Variants in PTPRM observed in about 807,000 individuals in gnomAD.
PTPRM encodes protein tyrosine phosphatase receptor type M, also known as receptor-type tyrosine-protein phosphatase mu.
Under a neutral mutation model 186.7 loss-of-function variants are expected in PTPRM, and 47 were observed. The ratio of observed to expected loss-of-function variants is 0.25; its 90% CI spans 0.20 to 0.32. PTPRM has a LOEUF of 0.32. Among genes scored for constraint, PTPRM ranks in the 10% least tolerant of loss-of-function variants. PTPRM has a pLI of 1.00. For missense variants in PTPRM, 1,494 were observed against 1,865.0 expected (o/e 0.80, Z 3.66); for synonymous variants, 668 against 674.9 (o/e 0.99, Z 0.16).
intron 6 of PTPRM, among the ~76,000 whole-genome samples, chr18:7,953,502 C>T (rs1044361658): frequency 3.9e-5 from 6 of 152,142 alleles, no homozygotes; most frequent in African/African-American, 1.4e-4. Flanking sequence ...AGTTTATAAA[C>T]AACAGGAACA....
chr18:8,243,458 C>T (rs572028792), intron 14 of PTPRM, among the ~76,000 whole-genome samples: 2 of 152,262 alleles, frequency 1.3e-5, no homozygotes, highest in South Asian at 4.1e-4. Context: ...AATTCAGTAC[C>T]TTCCCCTTGA....
In PTPRM at chr18:8,310,317, G is replaced by A. The variant is rs186260898; in HGVS notation, c.2843-4464G>A. On this transcript the variant is annotated intron_variant, in intron 20 of 32. Transcript: ENST00000580170. ...CTTCCAGTTCGTCCTCAACAATAGCGGGCATCTGATGAAATGAAGCACGCC... is the reference window on the plus strand; with the variant it reads ...CTTCCAGTTCGTCCTCAACAATAGCAGGCATCTGATGAAATGAAGCACGCC... 1.4e-3 allele frequency among the ~76,000 whole-genome samples: 206 copies of A among 151,500 alleles called. No homozygotes were observed. The Middle Eastern group carries it at 0.02, about 15-fold the overall frequency.
chr18:8,275,020 G>A (rs576672626), intron 19 of PTPRM, among the ~76,000 whole-genome samples: 23 of 152,176 alleles, frequency 1.5e-4, no homozygotes, highest in African/African-American at 5.1e-4. Context: ...GGTAGATGCC[G>A]TAAGAAAATG....
Position 7,993,643 on chromosome 18 carries a change from G to A in PTPRM, c.1132+38229G>A, listed in dbSNP as rs867883798. On this transcript the variant is annotated intron_variant, in intron 7 of 32. Transcript: ENST00000580170. ...ATTCACCAAATGTGTCCTTCAGAAC[G>A]TAAGGAGATATAAAGTGTTTCCTAG... 3.9e-5 allele frequency among the ~76,000 whole-genome samples: 6 copies of A among 152,194 alleles called. No individual in the cohort carries two copies. In the East Asian group the frequency reaches 5.8e-4, roughly 15 times the overall value.
At chr18:8,298,734 G>C (rs12326322) in intron 20 of PTPRM, among the ~76,000 whole-genome samples, 3 of 152,102 alleles carry the variant, frequency 2.0e-5, no homozygotes, top group Admixed American at 6.5e-5. Context: ...AGAGTTTCAC[G>C]GTTAATAAGG....
intron 7 of PTPRM, among the ~76,000 whole-genome samples, chr18:8,054,020 G>C (rs2087706565): frequency 6.6e-6 from 1 of 151,950 alleles, no homozygotes; most frequent in African/African-American, 2.4e-5. Flanking sequence ...TGTATAACTT[G>C]TAGGTCCTGC....
At chr18:7,725,248 C>T (rs974063307) in intron 1 of PTPRM, among the ~76,000 whole-genome samples, 1 of 152,122 alleles carries the variant, frequency 6.6e-6, no homozygotes, top group Non-Finnish European at 1.5e-5. Flanking sequence ...TGTAAGGCAA[C>T]TTTTTTGAGA....
chr18:8,289,229 C>T (rs1260203603), intron 19 of PTPRM, among the ~76,000 whole-genome samples: 1 of 151,796 alleles, frequency 6.6e-6, no homozygotes, highest in Non-Finnish European at 1.5e-5. Flanking sequence ...TAGAGCTTCA[C>T]AAACCTCATA....
intron 14 of PTPRM, among the ~76,000 whole-genome samples, chr18:8,156,265 TA>T (rs532491579): frequency 3.4e-4 from 52 of 152,240 alleles, no homozygotes; most frequent in African/African-American, 1.2e-3. Context: ...GATTTTATTT[TA>T]AAAAAAGAGT....
At chr18:8,364,106 A>G (rs2148410553) in intron 23 of PTPRM, among the ~76,000 whole-genome samples, 1 of 152,348 alleles carries the variant, frequency 6.6e-6, no homozygotes, top group East Asian at 1.9e-4. Context: ...GCCAGTTTTG[A>G]AATAATCTTC....
rs560457227 is a variant in PTPRM at position 7,668,409 on chromosome 18, C to T, written c.73+100518C>T. ...GTTATTATGTAGCTCTCAGCTGCAA[C>T]GGTATTTAACACGTTTTACACATTT... is the stretch of plus-strand genomic sequence containing the variant. On this transcript the variant is annotated intron_variant, in intron 1 of 32. Coordinates refer to ENST00000580170, the MANE Select transcript of PTPRM (RefSeq NM_001105244.2). The surrounding 1 kb of genome is among the most constrained non-coding windows in gnomAD (Gnocchi z 4.7). Among the ~76,000 whole-genome samples, 13 of 152,326 alleles carry T rather than the reference C, an allele frequency of 8.5e-5. No homozygotes were observed. Among genetic ancestry groups the T allele is most frequent in the Admixed American group, 2.0e-4 (3 of 15,306 alleles).
chr18:8,242,969 T>C (rs1167105406), intron 14 of PTPRM, among the ~76,000 whole-genome samples: 2 of 152,316 alleles, frequency 1.3e-5, no homozygotes, highest in East Asian at 3.9e-4. Context: ...ATTAGAATAT[T>C]TTAGGGCATA....
chr18:8,041,212 G>C (rs955556695), intron 7 of PTPRM, among the ~76,000 whole-genome samples: 11 of 152,318 alleles, frequency 7.2e-5, no homozygotes, highest in African/African-American at 2.6e-4. Context: ...TGTGAAGATT[G>C]ATACCATGGT....
intron 3 of PTPRM, among the ~76,000 whole-genome samples, chr18:7,892,749 C>T (rs1469614077): frequency 2.0e-5 from 3 of 152,178 alleles, no homozygotes; most frequent in Non-Finnish European, 4.4e-5. Flanking sequence ...AGTCCAAGAT[C>T]AGGGTGCCAG....
At chr18:7,926,540 A>G in intron 4 of PTPRM, 28 bp from the exon 5 acceptor site, 1 of 1,521,076 alleles carries the variant, frequency 6.6e-7, no homozygotes, top group Non-Finnish European at 9.0e-7. Flanking sequence ...TCCACTTTTA[A>G]TATCTTTCAT....
chr18:8,253,395 G>T lies in PTPRM; in HGVS notation c.2735G>T (p.Gly912Val), dbSNP rs760002009. ...ITQMKCAEGY[G>V]FKEEYESFFE... ...CAGATGAAGTGTGCGGAGGGCTACG[G>T]CTTCAAGGAGGAATACGAGGTGAGC... The change falls in exon 19 of 33, where the codon GGC (glycine) becomes GTC (valine). Residue 912 changes from glycine (G) to valine (V), a missense_variant. By Grantham distance (109) the Gly-to-Val change is moderately radical. This residue lies in a region of PTPRM where 1,107 missense variants were observed against 1,350.2 expected (regional missense o/e 0.82). Coordinates refer to ENST00000580170, the MANE Select transcript of PTPRM (RefSeq NM_001105244.2). 3.3e-6 allele frequency: 5 copies of T among 1,535,660 alleles called. No individual in the cohort carries two copies. The highest frequency in any genetic ancestry group is 2.5e-5 in the South Asian group (2 of 78,994).
At chr18:7,943,607 A>G (rs2052335170) in intron 5 of PTPRM, among the ~76,000 whole-genome samples, 1 of 152,134 alleles carries the variant, frequency 6.6e-6, no homozygotes, top group African/African-American at 2.4e-5. Flanking sequence ...GCCCTAAAAG[A>G]AGGTGACGGC....
chr18:8,028,600 A>G (rs1013634755), intron 7 of PTPRM, among the ~76,000 whole-genome samples: 13 of 152,196 alleles, frequency 8.5e-5, no homozygotes, highest in African/African-American at 1.9e-4. Context: ...AATACTTTCT[A>G]TGCTGCCTCC....
chr18:7,567,719 C>A lies in PTPRM; in HGVS notation c.-100C>A. 1 of 1,077,156 alleles carries A rather than the reference C, an allele frequency of 9.3e-7. No homozygotes were observed. The highest frequency in any genetic ancestry group is 1.3e-6 in the Non-Finnish European group (1 of 785,208). The allele number at this position is 1,077,156 out of a possible 1,614,324, so 66.7% of individuals were successfully genotyped here. ...TTGGCTTAGCGCTCTGCTGTTTACC[C>A]GTCTCTCCTCGCTGCCTCGGAACCA... On this transcript the variant is annotated 5_prime_UTR_variant, in exon 1 of 33. Transcript: ENST00000580170. This position sits in a 1 kb window ranked among gnomAD's most constrained non-coding sequence, Gnocchi z 4.3.
Sources: gnomAD v4.1 joint callset for allele counts (sites outside exome capture counted in the v4.1 genomes callset) on GRCh38, gnomAD v4.1.1 for gene constraint, gnomAD v4.1.1 regional missense constraint, Gnocchi (gnomAD v3.1) non-coding constraint, MANE v1.5 for transcripts, NCBI Gene and HGNC (gene_info 2026-07-23, HGNC 2026-07-21) for gene names.